DCC: variants seen among roughly 807,000 people sequenced by gnomAD.
DCC encodes DCC netrin 1 receptor.
A neutral mutation model predicts 172.5 loss-of-function variants in DCC; 58 were observed. That is an observed-to-expected ratio of 0.34 (90% CI 0.27 to 0.42). DCC has a LOEUF of 0.42. Among genes scored for constraint, DCC ranks in the 10% least tolerant of loss-of-function variants. The pLI, the probability that DCC is intolerant of heterozygous loss-of-function variation, is 1.00. For missense variants in DCC, 1,740 were observed against 1,791.0 expected (o/e 0.97, Z 0.51); for synonymous variants, 709 against 644.5 (o/e 1.10, Z -1.52).
chr18:53,386,133 T>C lies in DCC; in HGVS notation c.2450T>C (p.Ile817Thr). The C allele has an allele frequency of 6.3e-7, 1 of 1,598,400 alleles. No individual in the cohort carries two copies. The highest frequency in any genetic ancestry group is 1.1e-5 in the South Asian group (1 of 90,788). ...TATGAAAGTGCCACCACCAGGTCTA[T>C]AACCGGTAAGTGAAATTGTTAATCT... is the stretch of plus-strand genomic sequence containing the variant. ...PLYESATTRSITDPTDPVDYY... is the reference protein window; with the variant it reads ...PLYESATTRSTTDPTDPVDYY... Residue 817 changes from isoleucine to threonine, a missense_variant, in exon 16 of 29, where the codon ATA becomes ACA. Ile to Thr is a moderately conservative substitution (Grantham distance 89, BLOSUM62 -1). Transcript: ENST00000442544.
At chr18:53,492,060 C>T (rs956096202) in intron 26 of DCC, among the ~76,000 whole-genome samples, 1 of 152,140 alleles carries the variant, frequency 6.6e-6, no homozygotes, top group African/African-American at 2.4e-5. Context: ...CTCTAATGAC[C>T]AGTGATGATG....
At chr18:53,333,102 T>C (rs1599033458) in intron 14 of DCC, among the ~76,000 whole-genome samples, 1 of 148,058 alleles carries the variant, frequency 6.8e-6, no homozygotes, top group Non-Finnish European at 1.5e-5. Flanking sequence ...ATTGACAAAA[T>C]ATTAGAAATA....
At chr18:53,121,394 T>G (rs1295773534) in intron 7 of DCC, among the ~76,000 whole-genome samples, 1 of 151,970 alleles carries the variant, frequency 6.6e-6, no homozygotes, top group African/African-American at 2.4e-5. Context: ...GATTGGCCAC[T>G]GCTTGTTTCT....
intron 1 of DCC, among the ~76,000 whole-genome samples, chr18:52,417,292 G>T (rs1287516782): frequency 6.6e-6 from 1 of 152,074 alleles, no homozygotes; most frequent in Non-Finnish European, 1.5e-5. Context: ...TTTCTCTCTG[G>T]CTGCCCTTAA....
chr18:52,955,460 T>C (rs1283571752), intron 5 of DCC, among the ~76,000 whole-genome samples: 1 of 152,108 alleles, frequency 6.6e-6, no homozygotes, highest in Non-Finnish European at 1.5e-5. Context: ...TCGAGGGGCA[T>C]CTTGGTTGTT....
chr18:53,223,250 T>A (rs530326331), intron 12 of DCC, among the ~76,000 whole-genome samples: 1 of 152,292 alleles, frequency 6.6e-6, no homozygotes, highest in Admixed American at 6.5e-5. Context: ...TTTGAGAATG[T>A]TATATTTTTG....
chr18:53,247,439 T>A (rs1422322330), intron 12 of DCC, among the ~76,000 whole-genome samples: 1 of 152,014 alleles, frequency 6.6e-6, no homozygotes, highest in Non-Finnish European at 1.5e-5. Context: ...TGAAGATTAT[T>A]TTTACAAACC....
chr18:52,681,360 G>A (rs2035747770), intron 1 of DCC, among the ~76,000 whole-genome samples: 1 of 152,006 alleles, frequency 6.6e-6, no homozygotes, highest in Non-Finnish European at 1.5e-5. Context: ...AAATTTGCCA[G>A]TTAATTTCCA....
At chr18:52,965,314 A>C (rs2040911947) in intron 5 of DCC, among the ~76,000 whole-genome samples, 1 of 152,198 alleles carries the variant, frequency 6.6e-6, no homozygotes, top group South Asian at 2.1e-4. Context: ...CTAGATTGAC[A>C]AAACAGGCTA....
At chr18:52,897,743 A>G (rs762598926) in intron 2 of DCC, among the ~76,000 whole-genome samples, 44 of 152,324 alleles carry the variant, frequency 2.9e-4, no homozygotes, top group Non-Finnish European at 5.6e-4. Context: ...CACTTACCAG[A>G]CATGCTTACC....
At chr18:52,660,891 C>T (rs570059954) in intron 1 of DCC, among the ~76,000 whole-genome samples, 13 of 152,106 alleles carry the variant, frequency 8.5e-5, no homozygotes, top group Admixed American at 2.0e-4. Flanking sequence ...TCATCTCAAC[C>T]GTATGTTCAG....
Position 53,386,076 on chromosome 18 carries a change from C to T in DCC, c.2393C>T (p.Ala798Val). 6.2e-7 allele frequency: 1 copy of T among 1,613,296 alleles called. No individual in the cohort carries two copies. The highest frequency in any genetic ancestry group is 1.1e-5 in the South Asian group (1 of 91,076). The change falls in exon 16 of 29, where the codon GCT becomes GTT. Residue 798 changes from alanine to valine, a missense_variant. Ala to Val is a moderately conservative substitution (Grantham distance 64, BLOSUM62 0). Around this residue, in one of 2 missense-constraint regions of DCC, gnomAD observed 1,732 missense variants for 1,767.4 expected, o/e 0.98. Coordinates refer to ENST00000442544, the MANE Select transcript of DCC (RefSeq NM_005215.4). The part of the protein sequence containing the change: ...SSSHYVISLK[A>V]FNNAGEGVPL... ...TCCCATTATGTAATCTCCCTAAAAGCTTTTAACAATGCCGGAGAAGGAGTT... is the reference window on the plus strand; with the variant it reads ...TCCCATTATGTAATCTCCCTAAAAGTTTTTAACAATGCCGGAGAAGGAGTT...
intron 1 of DCC, among the ~76,000 whole-genome samples, chr18:52,423,018 T>G (rs945139550): frequency 6.6e-5 from 10 of 152,156 alleles, no homozygotes; most frequent in African/African-American, 1.9e-4. Flanking sequence ...TTGAACAAAG[T>G]GAGTCAGAAA....
intron 1 of DCC, among the ~76,000 whole-genome samples, chr18:52,658,569 C>T (rs1000592511): frequency 6.6e-6 from 1 of 151,048 alleles, no homozygotes; most frequent in Non-Finnish European, 1.5e-5. Flanking sequence ...TCTAGTTCTA[C>T]ACTATTCCAA....
intron 14 of DCC, among the ~76,000 whole-genome samples, chr18:53,325,474 T>C (rs1327019004): frequency 6.6e-6 from 1 of 152,212 alleles, no homozygotes; most frequent in African/African-American, 2.4e-5. Flanking sequence ...GTGCTCTTTT[T>C]CCTGACTCTG....
intron 2 of DCC, among the ~76,000 whole-genome samples, chr18:52,761,683 C>A (rs2037162003): frequency 6.6e-6 from 1 of 151,960 alleles, no homozygotes; most frequent in Admixed American, 6.6e-5. Flanking sequence ...ACTCTTAGTG[C>A]TCTAGCCCAG....
chr18:52,536,714 A>G (rs1031761005), intron 1 of DCC, among the ~76,000 whole-genome samples: 1 of 152,144 alleles, frequency 6.6e-6, no homozygotes, highest in African/African-American at 2.4e-5. Flanking sequence ...CCCCTAGGAC[A>G]TGTCGCCCTT....
chr18:53,498,812 T>A (rs1428816201), intron 26 of DCC, among the ~76,000 whole-genome samples: 6 of 152,206 alleles, frequency 3.9e-5, no homozygotes, highest in Admixed American at 6.5e-5. Context: ...ATTATTTGTA[T>A]CATTTTATTA....
At chr18:52,380,542 T>C (rs1279766788) in intron 1 of DCC, among the ~76,000 whole-genome samples, 1 of 152,032 alleles carries the variant, frequency 6.6e-6, no homozygotes, top group Non-Finnish European at 1.5e-5. Context: ...GAAACATCAA[T>C]GGTCATTTCA....
Sources: allele counts gnomAD v4.1 joint callset (sites outside exome capture counted in the v4.1 genomes callset), GRCh38; gene constraint gnomAD v4.1.1; regional missense constraint gnomAD v4.1.1; transcripts MANE v1.5; gene names NCBI Gene and HGNC (gene_info 2026-07-23, HGNC 2026-07-21).